Variants in SH2D4B observed in about 807,000 individuals in gnomAD.
SH2D4B encodes SH2 domain containing 4B.
Under a neutral mutation model 61.5 loss-of-function variants are expected in SH2D4B, and 45 were observed. The observed-to-expected ratio is 0.73, with a 90% CI of 0.58 to 0.94. The LOEUF (loss-of-function observed/expected upper bound fraction) is 0.94. Ranked by LOEUF, SH2D4B falls within the 40% of genes least tolerant of loss-of-function variation. SH2D4B has a pLI of 0.00. For missense variants in SH2D4B, 572 were observed against 574.2 expected, an observed-to-expected ratio of 1.00 and a Z score of 0.04; for synonymous variants, 224 against 220.4, an observed-to-expected ratio of 1.02 and a Z score of -0.14.
At chr10:80,572,986 A>ATATATATATATAT (rs1564772012) in intron 3 of SH2D4B, among the ~76,000 whole-genome samples, 1 of 8,874 alleles carries the variant, frequency 1.1e-4, no homozygotes, top group Non-Finnish European at 2.0e-4. Context: ...ATATATATAT[A>ATATATATATATAT]TTTTTTTTTT....
intron 1 of SH2D4B, among the ~76,000 whole-genome samples, chr10:80,561,263 A>T (rs1336436545): frequency 6.6e-6 from 1 of 152,250 alleles, no homozygotes; most frequent in Non-Finnish European, 1.5e-5. Flanking sequence ...AATGATAAAA[A>T]TTCAGCTTTA....
intron 3 of SH2D4B, among the ~76,000 whole-genome samples, chr10:80,577,466 G>A (rs1228909912): frequency 1.0e-4 from 15 of 147,780 alleles, no homozygotes; most frequent in East Asian, 5.9e-4. Flanking sequence ...TCGCTCTGTC[G>A]CCCAGGCTGG....
At chr10:80,627,191 G>A (rs1382872390) in intron 6 of SH2D4B, among the ~76,000 whole-genome samples, 2 of 152,188 alleles carry the variant, frequency 1.3e-5, no homozygotes, top group Admixed American at 6.5e-5. Context: ...TAGCCATGAA[G>A]CAATTCTTAA....
intron 3 of SH2D4B, among the ~76,000 whole-genome samples, chr10:80,575,104 G>C (rs1185214680): frequency 2.6e-5 from 4 of 151,388 alleles, no homozygotes; most frequent in African/African-American, 9.7e-5. Context: ...ATGAAGAAAA[G>C]TTGAAAGAAA....
At chr10:80,553,410 G>A (rs941506303) in intron 1 of SH2D4B, among the ~76,000 whole-genome samples, 2 of 152,232 alleles carry the variant, frequency 1.3e-5, no homozygotes, top group Non-Finnish European at 2.9e-5. Flanking sequence ...GAACAGGACT[G>A]ACAGCAGGGT....
At chr10:80,585,624 G>GAGTC (rs1842236589) in intron 3 of SH2D4B, among the ~76,000 whole-genome samples, 1 of 152,190 alleles carries the variant, frequency 6.6e-6, no homozygotes, top group Non-Finnish European at 1.5e-5. Flanking sequence ...CAGGATGGCA[G>GAGTC]AGTCCTCTTA....
rs980231073 is a variant in SH2D4B at position 80,570,170 on chromosome 10, C to T, written c.201C>T (p.His67=). ...PKTKRAASDK[H]IQWLLGADGE... ...ATTGTGAAGCAGCGAGTGACAAGCA[C>T]ATCCAATGGCTCCTAGGGGCAGATG... Residue 67 remains histidine, a synonymous_variant, in exon 2 of 8, where the codon CAC becomes CAT. Transcript: ENST00000646907. The T allele has an allele frequency of 6.8e-6, 11 of 1,613,980 alleles. No individual in the cohort carries two copies. The highest frequency in any genetic ancestry group is 1.7e-5 in the Admixed American group (1 of 59,998).
intron 3 of SH2D4B, among the ~76,000 whole-genome samples, chr10:80,584,279 G>A (rs1411071907): frequency 1.3e-5 from 2 of 152,208 alleles, no homozygotes; most frequent in Admixed American, 1.3e-4. Context: ...ATGGAGAGGA[G>A]GCTTAGGTGG....
intron 3 of SH2D4B, among the ~76,000 whole-genome samples, chr10:80,588,015 G>A (rs1842280454): frequency 6.6e-6 from 1 of 152,126 alleles, no homozygotes; most frequent in Admixed American, 6.5e-5. Context: ...TAAGTTAGGT[G>A]GCACGATCAC....
chr10:80,562,928 G>A (rs1841920832), intron 1 of SH2D4B, among the ~76,000 whole-genome samples: 1 of 114,122 alleles, frequency 8.8e-6, no homozygotes, highest in African/African-American at 3.4e-5. Context: ...TTGAGACGGA[G>A]TCTCGCTCTG....
At chr10:80,593,516 G>T (rs999407765) in intron 4 of SH2D4B, among the ~76,000 whole-genome samples, 1 of 152,148 alleles carries the variant, frequency 6.6e-6, no homozygotes, top group East Asian at 1.9e-4. Context: ...CTAGTGCATA[G>T]AAATGCAATT....
chr10:80,599,016 A>T (rs1842414772), intron 4 of SH2D4B, among the ~76,000 whole-genome samples: 2 of 152,200 alleles, frequency 1.3e-5, no homozygotes, highest in Admixed American at 6.5e-5. Flanking sequence ...TTTAACCAAC[A>T]ATCTGCACAC....
chr10:80,572,969 TATATATATATATATATA>T (rs1471571249), intron 3 of SH2D4B, among the ~76,000 whole-genome samples: 26 of 9,310 alleles, frequency 2.8e-3, no homozygotes, highest in African/African-American at 4.7e-3. Context: ...TATATATATA[TATATATATATATATATA>T]TTTTTTTTTT....
At chr10:80,580,150 G>A (rs767000624) in intron 3 of SH2D4B, among the ~76,000 whole-genome samples, 2 of 152,306 alleles carry the variant, frequency 1.3e-5, no homozygotes, top group Middle Eastern at 3.4e-3. Context: ...GAAAAATGAT[G>A]AGGTTCATAA....
chr10:80,635,764 T>C (rs1013842958), intron 7 of SH2D4B, among the ~76,000 whole-genome samples: 1 of 152,180 alleles, frequency 6.6e-6, no homozygotes, highest in African/African-American at 2.4e-5. Flanking sequence ...TACCAATAGA[T>C]CTGTGAGGGA....
intron 6 of SH2D4B, among the ~76,000 whole-genome samples, chr10:80,612,198 TCAA>T (rs1842610658): frequency 4.0e-5 from 5 of 125,196 alleles, no homozygotes; most frequent in African/African-American, 6.4e-5. Flanking sequence ...TTTTTTTTTT[TCAA>T]CTTTACTCAC....
intron 4 of SH2D4B, among the ~76,000 whole-genome samples, chr10:80,595,123 G>A (rs1842371191): frequency 1.3e-5 from 2 of 152,132 alleles, no homozygotes; most frequent in Admixed American, 1.3e-4. Context: ...TGTTCCTTCT[G>A]CTTCTCAGCA....
chr10:80,603,575 C>A lies in SH2D4B; in HGVS notation c.644-4C>A, dbSNP rs770198104. On this transcript the variant is annotated splice_region_variant and splice_polypyrimidine_tract_variant and intron_variant, in intron 4 of 7. Coordinates refer to ENST00000646907, the MANE Select transcript of SH2D4B (RefSeq NM_001388272.1). ...GGGCTAACGTGCTGTCTTCCTCTTT[C>A]CAGTGCGCCGGTCCAAGGCGGCTGA... 1.3e-6 allele frequency: 2 copies of A among 1,541,428 alleles called. No individual in the cohort carries two copies. Among genetic ancestry groups the A allele is most frequent in the Admixed American group, 2.0e-5 (1 of 50,714 alleles).
intron 1 of SH2D4B, among the ~76,000 whole-genome samples, chr10:80,560,136 C>T (rs1422967363): frequency 8.6e-5 from 13 of 150,944 alleles, no homozygotes; most frequent in African/African-American, 2.7e-4. Flanking sequence ...TACAGGTGCC[C>T]GCCACCTCGC....
Sources: allele counts gnomAD v4.1 joint callset (sites outside exome capture counted in the v4.1 genomes callset), GRCh38; gene constraint gnomAD v4.1.1; transcripts MANE v1.5; gene names NCBI Gene and HGNC (gene_info 2026-07-23, HGNC 2026-07-21).